The following ANO2 variants were observed in gnomAD, a reference collection of about 807,000 sequenced individuals.
ANO2 encodes anoctamin 2.
A neutral mutation model predicts 124.2 loss-of-function variants in ANO2; 101 were observed. The ratio of observed to expected loss-of-function variants is 0.81; its 90% CI spans 0.69 to 0.96. ANO2 has a LOEUF of 0.96. Ranked by LOEUF, ANO2 falls within the 40% of genes least tolerant of loss-of-function variation. The probability of loss-of-function intolerance (pLI) is 0.00; values close to 1 mark genes in which losing one functional copy is unlikely to be tolerated. For missense variants in ANO2, 1,293 were observed against 1,274.5 expected (o/e 1.01, Z -0.22); for synonymous variants, 486 against 482.5 (o/e 1.01, Z -0.09).
intron 10 of ANO2, among the ~76,000 whole-genome samples, chr12:5,775,509 T>G (rs980983734): frequency 3.3e-5 from 5 of 149,692 alleles, no homozygotes; most frequent in Middle Eastern, 3.4e-3. Flanking sequence ...TCGCCCAGGC[T>G]GGAGTGCAGT....
At chr12:5,779,115 G>T (rs1339235934) in intron 10 of ANO2, among the ~76,000 whole-genome samples, 5 of 152,200 alleles carry the variant, frequency 3.3e-5, no homozygotes, top group South Asian at 4.1e-4. Context: ...GATCCATCCA[G>T]GATTCTATAC....
At chr12:5,588,476 C>T (rs1943234067) in intron 20 of ANO2, among the ~76,000 whole-genome samples, 1 of 152,168 alleles carries the variant, frequency 6.6e-6, no homozygotes, top group African/African-American at 2.4e-5. Flanking sequence ...TCTGGGTGAC[C>T]TTAGGCAACT....
chr12:5,822,860 G>A (rs1425479270), intron 7 of ANO2, among the ~76,000 whole-genome samples: 1 of 152,210 alleles, frequency 6.6e-6, no homozygotes, highest in Non-Finnish European at 1.5e-5. Flanking sequence ...CATGGTTGGG[G>A]AGGCCCAAGA....
chr12:5,849,183 A>G (rs1279836989), intron 4 of ANO2, among the ~76,000 whole-genome samples: 1 of 152,198 alleles, frequency 6.6e-6, no homozygotes, highest in Non-Finnish European at 1.5e-5. Context: ...AAAAGCTCTG[A>G]CGATTGGACA....
In ANO2 at chr12:5,921,127, A is replaced by G. The variant is rs370230758; in HGVS notation, c.447T>C (p.Asp149=). Residue 149 remains aspartate, a synonymous_variant, in exon 3 of 25, where the codon GAT becomes GAC. Coordinates refer to ENST00000682330, the MANE Select transcript of ANO2 (RefSeq NM_001364791.2). ...GCTCCTTCCTCTCCTCCTCCAGGGC[A>G]TCGAGCGGTCCCAGCTCAATGTCAC... is the stretch of plus-strand genomic sequence containing the variant. ...GPGDIELGPL[D]ALEEERKEQR... 2.0e-5 allele frequency: 32 copies of G among 1,613,858 alleles called. No homozygotes were observed. The highest frequency in any genetic ancestry group is 2.6e-5 in the Non-Finnish European group (31 of 1,179,894).
chr12:5,583,602 A>G (rs1320999808), intron 20 of ANO2, among the ~76,000 whole-genome samples: 5 of 136,100 alleles, frequency 3.7e-5, no homozygotes, highest in South Asian at 2.4e-4. Flanking sequence ...GCAGTGAGCC[A>G]AGATTGTGCC....
intron 6 of ANO2, among the ~76,000 whole-genome samples, 158 bp downstream of exon 6, chr12:5,830,277 G>A (rs542542369): frequency 6.6e-6 from 1 of 152,070 alleles, no homozygotes; most frequent in Non-Finnish European, 1.5e-5. Flanking sequence ...TGTTTCTTTT[G>A]GGGAATGGGG....
At chr12:5,825,335 A>T (rs1475693222) in intron 7 of ANO2, among the ~76,000 whole-genome samples, 1 of 152,220 alleles carries the variant, frequency 6.6e-6, no homozygotes, top group Non-Finnish European at 1.5e-5. Flanking sequence ...GTTCCCCAGA[A>T]GGCCATGTAT....
intron 13 of ANO2, chr12:5,733,008 A>C (rs1950709230): frequency 9.6e-7 from 1 of 1,036,942 alleles, no homozygotes; most frequent in South Asian, 1.4e-5. Flanking sequence ...CCCACCAACT[A>C]TCGTCAGACC....
At chr12:5,577,652 T>G (rs1322681478) in intron 22 of ANO2, among the ~76,000 whole-genome samples, 1 of 152,244 alleles carries the variant, frequency 6.6e-6, no homozygotes, top group Non-Finnish European at 1.5e-5. Flanking sequence ...TATGTGGAAT[T>G]CTTTCCTCAT....
chr12:5,699,606 G>C (rs1242334826), intron 14 of ANO2, among the ~76,000 whole-genome samples: 1 of 152,032 alleles, frequency 6.6e-6, no homozygotes, highest in Non-Finnish European at 1.5e-5. Flanking sequence ...AATCTTAAAT[G>C]TAAATAGGCT....
chr12:5,663,812 A>G (rs1947562932), intron 14 of ANO2, among the ~76,000 whole-genome samples: 1 of 152,234 alleles, frequency 6.6e-6, no homozygotes, highest in East Asian at 1.9e-4. Context: ...TGGTCGGGTC[A>G]GGCCTCTAAG....
intron 3 of ANO2, among the ~76,000 whole-genome samples, chr12:5,918,074 G>C (rs955374160): frequency 6.6e-6 from 1 of 152,084 alleles, no homozygotes; most frequent in Non-Finnish European, 1.5e-5. Flanking sequence ...AACAACAGAG[G>C]TACGCACCAC....
At chr12:5,652,045 G>C (rs1189375300) in intron 14 of ANO2, among the ~76,000 whole-genome samples, 1 of 152,212 alleles carries the variant, frequency 6.6e-6, no homozygotes, top group Non-Finnish European at 1.5e-5. Context: ...TATGAATAAA[G>C]CCATTGTAAA....
At chr12:5,927,911 A>G (rs1486180934) in intron 1 of ANO2, among the ~76,000 whole-genome samples, 1 of 152,174 alleles carries the variant, frequency 6.6e-6, no homozygotes. Context: ...CCTTCTGAAC[A>G]GGGGGGAGGG....
chr12:5,799,244 G>A (rs78580848), intron 10 of ANO2, among the ~76,000 whole-genome samples: 4,115 of 152,288 alleles, frequency 0.027, 178 homozygotes, highest in African/African-American at 0.092. Context: ...AGAACAGGCA[G>A]GGAAAGAGAC....
At position 5,594,450 on chromosome 12, in the gene ANO2, C is replaced by T. The variant is rs150035979; in HGVS notation, c.2233+5034G>A. The stretch of plus-strand genomic sequence containing the variant: ...ACTTCATATGGTCTGATGTGAAATG[C>T]AAACCTGTCTGGTCTTCAGGGTTTT... On this transcript the variant is annotated intron_variant, in intron 20 of 24. Transcript: ENST00000682330. 2.5e-4 allele frequency among the ~76,000 whole-genome samples: 38 copies of T among 152,314 alleles called. No individual in the cohort carries two copies. The East Asian group carries it at 7.4e-3, about 29-fold the overall frequency.
intron 4 of ANO2, among the ~76,000 whole-genome samples, chr12:5,833,231 T>C (rs1214051954): frequency 1.3e-5 from 2 of 152,230 alleles, no homozygotes; most frequent in Non-Finnish European, 2.9e-5. Flanking sequence ...GAGTAAGGCA[T>C]AGATTTAGTA....
intron 10 of ANO2, among the ~76,000 whole-genome samples, chr12:5,776,737 G>T (rs1393526060): frequency 1.3e-5 from 2 of 152,232 alleles, no homozygotes; most frequent in African/African-American, 4.8e-5. Context: ...AGAATGAGAA[G>T]CTCCTTTGAT....
Sources: gnomAD v4.1 joint callset for allele counts (sites outside exome capture counted in the v4.1 genomes callset) on GRCh38, gnomAD v4.1.1 for gene constraint, MANE v1.5 for transcripts, NCBI Gene and HGNC (gene_info 2026-07-23, HGNC 2026-07-21) for gene names.